The following LARGE1 variants were observed in gnomAD, a reference collection of about 807,000 sequenced individuals.
The protein encoded by LARGE1 is xylosyl- and glucuronyltransferase LARGE1.
A neutral mutation model predicts 87.6 loss-of-function variants in LARGE1; 43 were observed. The observed-to-expected ratio is 0.49, with a 90% CI of 0.38 to 0.63. The LOEUF is 0.63. Ranked by LOEUF, LARGE1 falls within the 30% of genes least tolerant of loss-of-function variation. The probability of loss-of-function intolerance (pLI) is 0.00; values close to 1 mark genes in which losing one functional copy is unlikely to be tolerated. For synonymous variants in LARGE1, 434 were observed against 394.6 expected (o/e 1.10, Z -1.18); for missense variants, 802 against 1,000.2 (o/e 0.80, Z 2.67).
Position 33,522,212 on chromosome 22 carries a change from G to A in LARGE1, c.787+42636C>T, listed in dbSNP as rs150700853. On this transcript the variant is annotated intron_variant, in intron 6 of 14. Transcript: ENST00000397394. ...ACTATATCAAGCCCTTAGCTGCTGA[G>A]CTACTTGCCAGCTGTAACTGTATTA... 4.6e-4 allele frequency among the ~76,000 whole-genome samples: 70 copies of A among 152,288 alleles called. No homozygotes were observed. The East Asian group carries it at 0.013, about 28-fold the overall frequency.
intron 6 of LARGE1, among the ~76,000 whole-genome samples, chr22:33,461,040 C>T (rs1196433126): frequency 3.3e-5 from 5 of 152,088 alleles, no homozygotes; most frequent in Admixed American, 2.0e-4. Flanking sequence ...TCCAAGAACA[C>T]GAACTTACCA....
intron 1 of LARGE1, among the ~76,000 whole-genome samples, chr22:33,832,096 A>C (rs940843217): frequency 6.6e-6 from 1 of 152,222 alleles, no homozygotes; most frequent in African/African-American, 2.4e-5. Flanking sequence ...GCCTCTAGTC[A>C]GTGGCCCCTT....
intron 2 of LARGE1, among the ~76,000 whole-genome samples, chr22:33,684,981 G>C (rs1019696753): frequency 6.6e-6 from 1 of 152,194 alleles, no homozygotes; most frequent in Non-Finnish European, 1.5e-5. Flanking sequence ...TGTATGGGGG[G>C]TGGAGCCACC....
chr22:33,513,008 T>C (rs935904298), intron 6 of LARGE1, among the ~76,000 whole-genome samples: 5 of 152,086 alleles, frequency 3.3e-5, no homozygotes, highest in African/African-American at 4.8e-5. Flanking sequence ...CCCAGGTTTA[T>C]GCAAAAGGAG....
chr22:33,906,338 C>T (rs1344176231), intron 1 of LARGE1, among the ~76,000 whole-genome samples: 1 of 152,134 alleles, frequency 6.6e-6, no homozygotes, highest in African/African-American at 2.4e-5. Context: ...GAAAAGTCTT[C>T]ATGTATTTCC....
At chr22:33,766,550 G>A (rs958266988) in intron 1 of LARGE1, among the ~76,000 whole-genome samples, 2 of 151,980 alleles carry the variant, frequency 1.3e-5, no homozygotes, top group Admixed American at 6.6e-5. Flanking sequence ...TCAGCCTCCC[G>A]AATAGCTGGG....
At chr22:33,343,790 T>C (rs1314758581) in intron 9 of LARGE1, among the ~76,000 whole-genome samples, 3 of 152,088 alleles carry the variant, frequency 2.0e-5, no homozygotes, top group African/African-American at 7.2e-5. Context: ...TAAAACAAAA[T>C]CAGATCTGTC....
chr22:33,251,016 G>T (rs1476577796), intron 11 of LARGE1, among the ~76,000 whole-genome samples: 6 of 152,194 alleles, frequency 3.9e-5, no homozygotes, highest in East Asian at 1.9e-4. Context: ...CTCATAGAAT[G>T]ATGTAGAAAG....
At chr22:33,622,143 C>T (rs887691649) in intron 4 of LARGE1, among the ~76,000 whole-genome samples, 1 of 152,116 alleles carries the variant, frequency 6.6e-6, no homozygotes, top group African/African-American at 2.4e-5. Context: ...GTGTCCCCAC[C>T]CAAATCTCAT....
intron 1 of LARGE1, among the ~76,000 whole-genome samples, chr22:33,794,638 T>A (rs1389102071): frequency 2.0e-5 from 3 of 152,202 alleles, no homozygotes; most frequent in Admixed American, 6.5e-5. Flanking sequence ...CTTTTCTTTT[T>A]GAGATGGAGT....
intron 1 of LARGE1, among the ~76,000 whole-genome samples, chr22:33,781,927 ATG>A (rs202141543): frequency 1.3e-5 from 2 of 151,942 alleles, no homozygotes; most frequent in Non-Finnish European, 2.9e-5. Context: ...AAGAAAATCA[ATG>A]TGTGTGTGTG....
chr22:33,397,734 A>G (rs546237554), intron 7 of LARGE1, among the ~76,000 whole-genome samples: 1 of 152,322 alleles, frequency 6.6e-6, no homozygotes, highest in African/African-American at 2.4e-5. Flanking sequence ...GCATGTGCTC[A>G]GGTTAAGTAG....
chr22:33,549,356 G>T (rs1462553408), intron 6 of LARGE1, among the ~76,000 whole-genome samples: 1 of 151,112 alleles, frequency 6.6e-6, no homozygotes, highest in East Asian at 1.9e-4. Context: ...GCATACACTG[G>T]TTCCTCTCTT....
At chr22:33,128,690 A>C in the LARGE1 span, among the ~76,000 whole-genome samples, 1 of 144,128 alleles carries the variant, frequency 6.9e-6, no homozygotes, top group Admixed American at 7.1e-5. Flanking sequence ...CAAAAAAAAA[A>C]AAAAAAAGAA....
At chr22:33,412,655 T>C (rs1039847728) in intron 7 of LARGE1, among the ~76,000 whole-genome samples, 1 of 152,210 alleles carries the variant, frequency 6.6e-6, no homozygotes, top group Admixed American at 6.5e-5. Flanking sequence ...ATTTTTATTT[T>C]ATTTTATGTA....
At chr22:33,154,184 G>A in the LARGE1 span, among the ~76,000 whole-genome samples, 2 of 147,756 alleles carry the variant, frequency 1.4e-5, no homozygotes, top group Non-Finnish European at 3.0e-5. Flanking sequence ...AAAAAAAAAA[G>A]TAAACTCCTC....
At chr22:33,588,877 G>T (rs895322277) in intron 5 of LARGE1, among the ~76,000 whole-genome samples, 1 of 152,190 alleles carries the variant, frequency 6.6e-6, no homozygotes, top group Non-Finnish European at 1.5e-5. Context: ...ACTAAAGTGG[G>T]GGTGGGAGGC....
chr22:33,425,069 C>T (rs756543464), intron 7 of LARGE1, among the ~76,000 whole-genome samples: 4 of 152,034 alleles, frequency 2.6e-5, no homozygotes, highest in Non-Finnish European at 4.4e-5. Context: ...CAAGACCAGC[C>T]TGATCAACGT....
chr22:33,534,879 C>T (rs2076996924), intron 6 of LARGE1, among the ~76,000 whole-genome samples: 1 of 152,232 alleles, frequency 6.6e-6, no homozygotes, highest in Non-Finnish European at 1.5e-5. Context: ...CCAAAAGATA[C>T]TGGCAGTGCT....
Sources: allele counts gnomAD v4.1 joint callset (sites outside exome capture counted in the v4.1 genomes callset), GRCh38; gene constraint gnomAD v4.1.1; transcripts MANE v1.5; gene names NCBI Gene and HGNC (gene_info 2026-07-23, HGNC 2026-07-21).